EPB41L5: variants seen among roughly 807,000 people sequenced by gnomAD.
EPB41L5 encodes band 4.1-like protein 5.
In EPB41L5, 55 loss-of-function variants were observed where a neutral mutation model predicts 106.6. The observed-to-expected ratio is 0.52, with a 90% CI of 0.42 to 0.65. The LOEUF (loss-of-function observed/expected upper bound fraction) is 0.65, where lower values mean the gene tolerates loss of function less well. Ranked by LOEUF, EPB41L5 falls within the 30% of genes least tolerant of loss-of-function variation. EPB41L5 has a pLI of 0.00. For missense variants in EPB41L5, 871 were observed against 882.1 expected (o/e 0.99, Z 0.16); for synonymous variants, 297 against 306.7 (o/e 0.97, Z 0.33).
Position 120,051,762 on chromosome 2 carries a change from T to G in EPB41L5, c.285+9652T>G, listed in dbSNP as rs140765149. On this transcript the variant is annotated intron_variant, in intron 3 of 24. Coordinates refer to ENST00000263713, the MANE Select transcript of EPB41L5 (RefSeq NM_020909.4). ...GTTGGAAATGCAGAAATTACCTGTC[T>G]TCTCTCTACACTGGGTGATGTAGAC... Among the ~76,000 whole-genome samples the G allele has an allele frequency of 7.6e-3, 1,164 of 152,326 alleles. 17 individuals are homozygous for G. Among genetic ancestry groups the G allele is most frequent in the African/African-American group, 0.026 (1,074 of 41,574 alleles).
chr2:120,048,056 G>A (rs560328238), intron 3 of EPB41L5, among the ~76,000 whole-genome samples: 4 of 152,234 alleles, frequency 2.6e-5, no homozygotes, highest in East Asian at 1.9e-4. Context: ...TCCTGGATTC[G>A]GTTTGCCAGT....
At chr2:120,117,739 C>T (rs1479784031) in intron 16 of EPB41L5, among the ~76,000 whole-genome samples, 3 of 152,134 alleles carry the variant, frequency 2.0e-5, no homozygotes, top group Non-Finnish European at 4.4e-5. Flanking sequence ...AATCAAGATT[C>T]ATGATGAATA....
chr2:120,059,534 G>A (rs1010436441), intron 3 of EPB41L5, among the ~76,000 whole-genome samples: 4 of 152,124 alleles, frequency 2.6e-5, no homozygotes, highest in Non-Finnish European at 5.9e-5. Context: ...TTAATAGAAC[G>A]AGAAGCTAAG....
At chr2:120,139,033 C>CT (rs1221499750) in intron 18 of EPB41L5, among the ~76,000 whole-genome samples, 2 of 152,006 alleles carry the variant, frequency 1.3e-5, no homozygotes, top group Non-Finnish European at 2.9e-5. Context: ...ATCCATACAT[C>CT]TGCAGTGAGC....
chr2:120,020,303 C>T (rs1432061793), intron 2 of EPB41L5, among the ~76,000 whole-genome samples: 2 of 152,150 alleles, frequency 1.3e-5, no homozygotes, highest in Admixed American at 1.3e-4. Flanking sequence ...AGACCTTAAA[C>T]TCACCAAGTG....
chr2:120,104,251 T>C (rs1453447583), intron 16 of EPB41L5: 1 of 1,532,944 alleles, frequency 6.5e-7, no homozygotes, highest in Non-Finnish European at 8.7e-7. Context: ...GTGTTGAGCC[T>C]CTTAGGCTTT....
intron 3 of EPB41L5, among the ~76,000 whole-genome samples, chr2:120,055,786 T>C (rs921938621): frequency 2.0e-5 from 3 of 152,334 alleles, no homozygotes; most frequent in African/African-American, 7.2e-5. Context: ...CTGCAACTGA[T>C]TTTTGTGTAT....
chr2:120,026,664 C>T (rs1020419425), intron 2 of EPB41L5, among the ~76,000 whole-genome samples: 8 of 151,874 alleles, frequency 5.3e-5, no homozygotes, highest in African/African-American at 7.2e-5. Context: ...CCACTGCGCC[C>T]GGCCTGGCAC....
intron 18 of EPB41L5, among the ~76,000 whole-genome samples, chr2:120,137,922 A>G (rs934081292): frequency 6.6e-6 from 1 of 152,096 alleles, no homozygotes; most frequent in African/African-American, 2.4e-5. Context: ...GTAGACCAGT[A>G]TCTCTGATGA....
chr2:120,081,235 G>GT (rs1682638214), intron 10 of EPB41L5, among the ~76,000 whole-genome samples: 1 of 152,080 alleles, frequency 6.6e-6, no homozygotes, highest in East Asian at 1.9e-4. Context: ...GGTTTTTATG[G>GT]TTTTAGGTCT....
chr2:120,098,100 G>A (rs1056714656), intron 14 of EPB41L5, among the ~76,000 whole-genome samples: 15 of 150,410 alleles, frequency 1.0e-4, no homozygotes, highest in African/African-American at 3.2e-4. Flanking sequence ...AATTGTGCCT[G>A]ATGGGTATAA....
intron 11 of EPB41L5, among the ~76,000 whole-genome samples, chr2:120,089,653 A>G (rs1323929880): frequency 2.0e-5 from 3 of 152,078 alleles, no homozygotes; most frequent in Admixed American, 6.5e-5. Context: ...GTTTGTACCA[A>G]GTTTTACTAT....
chr2:120,090,452 G>T lies in EPB41L5; in HGVS notation c.979G>T (p.Gly327Cys). ...VEHHAFFRLRGPVQKSSHRSG... is the reference protein window; with the variant it reads ...VEHHAFFRLRCPVQKSSHRSG... ...GCATCATGCTTTCTTCCGCCTTCGA[G>T]GCCCCGTCCAAAAGAGTTCTCATCG... The change falls in exon 12 of 25, where the codon GGC (glycine) becomes TGC (cysteine). Residue 327 changes from glycine to cysteine, a missense_variant. By Grantham distance (159) the Gly-to-Cys change is radical. Transcript: ENST00000263713. 2.5e-6 allele frequency: 4 copies of T among 1,613,764 alleles called. No homozygotes were observed. The highest frequency in any genetic ancestry group is 3.4e-6 in the Non-Finnish European group (4 of 1,179,816).
intron 3 of EPB41L5, among the ~76,000 whole-genome samples, chr2:120,050,779 C>G (rs1055327561): frequency 2.6e-5 from 4 of 152,178 alleles, no homozygotes; most frequent in South Asian, 2.1e-4. Context: ...TTCTCCCTAT[C>G]TTTGTGGTTT....
At chr2:120,051,574 A>G (rs1164358389) in intron 3 of EPB41L5, among the ~76,000 whole-genome samples, 1 of 152,034 alleles carries the variant, frequency 6.6e-6, no homozygotes, top group African/African-American at 2.4e-5. Flanking sequence ...GAGTTACCTG[A>G]TTTTCCAGGT....
chr2:120,133,111 A>G (rs4848573), intron 18 of EPB41L5, among the ~76,000 whole-genome samples: 111,251 of 151,898 alleles, frequency 0.73, 41,251 homozygotes, highest in Non-Finnish European at 0.79. Context: ...AAGAACTTTT[A>G]GGGGATCATA....
chr2:120,021,602 C>T (rs182673999), intron 2 of EPB41L5, among the ~76,000 whole-genome samples: 149 of 152,284 alleles, frequency 9.8e-4, no homozygotes, highest in African/African-American at 3.5e-3. Context: ...ATTCGCACCA[C>T]TGCACTCCAG....
chr2:120,080,423 C>CA (rs1682567021), intron 10 of EPB41L5, among the ~76,000 whole-genome samples: 1 of 152,214 alleles, frequency 6.6e-6, no homozygotes, highest in African/African-American at 2.4e-5. Flanking sequence ...CATGTCCCTA[C>CA]AAAGGATATG....
chr2:120,074,102 G>T lies in EPB41L5; in HGVS notation c.331G>T (p.Gly111Cys). Residue 111 changes from glycine to cysteine, a missense_variant and splice_region_variant, in exon 5 of 25, where the codon GGT becomes TGT. Transcript: ENST00000263713. ...TKSIKKQVKI[G>C]SPYCLHLRVK... ...CCTTTTTTTTTTTTAAATGACAGTTGGTTCACCCTATTGTCTGCATCTTCG... is the reference window on the plus strand; with the variant it reads ...CCTTTTTTTTTTTTAAATGACAGTTTGTTCACCCTATTGTCTGCATCTTCG... 2 of 1,595,924 alleles carry T rather than the reference G, an allele frequency of 1.3e-6. No homozygotes were observed. The highest frequency in any genetic ancestry group is 8.5e-7 in the Non-Finnish European group (1 of 1,171,112).
Sources: allele counts gnomAD v4.1 joint callset (sites outside exome capture counted in the v4.1 genomes callset), GRCh38; gene constraint gnomAD v4.1.1; transcripts MANE v1.5; gene names NCBI Gene and HGNC (gene_info 2026-07-23, HGNC 2026-07-21).